Variants in MAST2 observed in about 807,000 individuals in gnomAD.
MAST2 encodes the protein microtubule associated serine/threonine kinase 2.
MAST2 carries 70 observed loss-of-function variants against 147.4 expected under a neutral mutation model. That is an observed-to-expected ratio of 0.47 (90% confidence interval 0.39 to 0.58). The LOEUF (loss-of-function observed/expected upper bound fraction) is 0.58, where lower values mean the gene tolerates loss of function less well. Among genes scored for constraint, MAST2 ranks in the 20% least tolerant of loss-of-function variants. The pLI, the probability that MAST2 is intolerant of heterozygous loss-of-function variation, is 0.00. For synonymous variants in MAST2, 869 were observed against 896.8 expected (o/e 0.97, Z 0.55); for missense variants, 2,080 against 2,302.3 (o/e 0.90, Z 1.98).
At chr1:46,008,412 G>C (rs1193727108) in intron 9 of MAST2, 41 bp downstream of exon 9, 2 of 1,415,406 alleles carry the variant, frequency 1.4e-6, no homozygotes, top group East Asian at 2.3e-5. Context: ...TACCCCTCCG[G>C]GTGGCTGCCT....
chr1:45,928,567 C>G (rs373576712), intron 4 of MAST2, among the ~76,000 whole-genome samples: 3 of 143,726 alleles, frequency 2.1e-5, no homozygotes, highest in Admixed American at 7.0e-5. Context: ...ATCACTCTTT[C>G]TTTTTTTTTT....
intron 18 of MAST2, 134 bp downstream of exon 18, chr1:46,029,067 G>A: frequency 9.8e-7 from 1 of 1,018,598 alleles, no homozygotes; most frequent in Non-Finnish European, 1.4e-6. Context: ...TGCTGCTTTG[G>A]GGATGGGTGT....
chr1:45,884,473 A>G (rs1399498722), intron 4 of MAST2, among the ~76,000 whole-genome samples: 1 of 152,174 alleles, frequency 6.6e-6, no homozygotes, highest in East Asian at 1.9e-4. Context: ...AATTGCTTGA[A>G]TCCAGGAGAC....
At chr1:45,911,504 A>G (rs1398041546) in intron 4 of MAST2, among the ~76,000 whole-genome samples, 1 of 152,136 alleles carries the variant, frequency 6.6e-6, no homozygotes, top group Non-Finnish European at 1.5e-5. Context: ...ATTTCTACTG[A>G]AAGGTAAAGC....
chr1:45,902,697 T>G (rs920673560), intron 4 of MAST2, among the ~76,000 whole-genome samples: 7 of 152,122 alleles, frequency 4.6e-5, no homozygotes, highest in African/African-American at 1.7e-4. Flanking sequence ...CATTTCTTCC[T>G]GGTTCATTCT....
chr1:46,035,817 A>G lies in MAST2; in HGVS notation c.5148A>G (p.Pro1716=). 3 of 1,614,050 alleles carry G rather than the reference A, an allele frequency of 1.9e-6. No homozygotes were observed. The highest frequency in any genetic ancestry group is 2.5e-6 in the Non-Finnish European group (3 of 1,179,982). ...CTAGTGCCCCCAGACTGGCCCATCC[A>G]TCTTATGAGGATCCCAGCCAGGGCT... is the stretch of plus-strand genomic sequence containing the variant. ...QPPSAPRLAH[P]SYEDPSQGWL... The change falls in exon 29 of 29, where the codon CCA becomes CCG. Residue 1716 remains proline (P), a synonymous_variant. Transcript: ENST00000361297. This position sits in a 1 kb window ranked among gnomAD's most constrained non-coding sequence, Gnocchi z 5.5.
intron 3 of MAST2, among the ~76,000 whole-genome samples, chr1:45,831,263 A>G (rs903988047): frequency 2.0e-5 from 3 of 152,214 alleles, no homozygotes; most frequent in Non-Finnish European, 4.4e-5. Context: ...TTTGTAGGGT[A>G]CAATAACAGA....
rs375529663 is a variant in MAST2 at position 46,033,949 on chromosome 1, C to T, written c.3674+11C>T. The T allele has an allele frequency of 2.9e-5, 47 of 1,613,644 alleles. No individual in the cohort carries two copies. Among genetic ancestry groups the T allele is most frequent in the Non-Finnish European group, 3.6e-5 (43 of 1,179,744 alleles). ...GGATGGGCAAGAAAGGTGAGCCAGG[C>T]GCAGTGAAGAGGGTTTTCTCTGAGC... On this transcript the variant is annotated intron_variant, in intron 27 of 28. Coordinates refer to ENST00000361297, the MANE Select transcript of MAST2 (RefSeq NM_015112.3).
chr1:45,948,310 C>T (rs1040178150), intron 4 of MAST2, among the ~76,000 whole-genome samples: 2 of 152,144 alleles, frequency 1.3e-5, no homozygotes, highest in Admixed American at 1.3e-4. Flanking sequence ...GAATCAATAT[C>T]ATTAAAATGA....
At position 45,899,307 on chromosome 1, in the gene MAST2, C is replaced by CTTTTTTTTT. The variant is rs770069959; in HGVS notation, c.500+16924_500+16932dup. Among the ~76,000 whole-genome samples the CTTTTTTTTT allele has an allele frequency of 7.0e-3, 755 of 107,240 alleles. 8 individuals are homozygous for CTTTTTTTTT. The highest frequency in any genetic ancestry group is 0.013 in the Middle Eastern group (2 of 154). The allele number at this position is 107,240 out of a possible 152,430, so 70.4% of individuals were successfully genotyped here. ...GCCAAAAATATTTTTCCTTTCTTTTCTTTTTTTTTTTTTTTTTTTTAGATT... is the reference window on the plus strand; with the variant it reads ...GCCAAAAATATTTTTCCTTTCTTTTCTTTTTTTTTTTTTTTTTTTTTTTTTTTTTAGATT... On this transcript the variant is annotated intron_variant, in intron 4 of 28. Coordinates refer to ENST00000361297, the MANE Select transcript of MAST2 (RefSeq NM_015112.3).
intron 1 of MAST2, among the ~76,000 whole-genome samples, chr1:45,810,112 G>C (rs541756659): frequency 6.6e-6 from 1 of 152,246 alleles, no homozygotes; most frequent in East Asian, 1.9e-4. Context: ...CTCACAATAG[G>C]TGCTCAGTCA....
chr1:45,984,253 T>C (rs1250011536), intron 5 of MAST2, among the ~76,000 whole-genome samples: 1 of 152,082 alleles, frequency 6.6e-6, no homozygotes, highest in Non-Finnish European at 1.5e-5. Flanking sequence ...ATGCACTTCT[T>C]CCATTGGGAG....
Position 46,031,230 on chromosome 1 carries a change from G to A in MAST2, c.2932G>A (p.Gly978Arg). Residue 978 changes from glycine (G) to arginine (R), a missense_variant, in exon 23 of 29, where the codon GGG (glycine) becomes AGG (arginine). Gly to Arg is a moderately radical substitution (Grantham distance 125). Around this residue, in one of 4 missense-constraint regions of MAST2, gnomAD observed 1,278 missense variants for 1,304.2 expected, o/e 0.98. Transcript: ENST00000361297. The surrounding 1 kb of genome is among the most constrained non-coding windows in gnomAD (Gnocchi z 4.1). ...ATCTGGGCCTGTCACTGAACACTCA[G>A]GGGAGCAGCGGCCAAAGCTGGATGA... ...GVSGPVTEHSGEQRPKLDEEA... is the reference protein window; with the variant it reads ...GVSGPVTEHSREQRPKLDEEA... 1 of 1,544,602 alleles carries A rather than the reference G, an allele frequency of 6.5e-7. No homozygotes were observed. Among genetic ancestry groups the A allele is most frequent in the Non-Finnish European group, 8.8e-7 (1 of 1,142,558 alleles).
intron 5 of MAST2, among the ~76,000 whole-genome samples, chr1:45,995,228 T>C (rs912849547): frequency 1.3e-5 from 2 of 152,206 alleles, no homozygotes; most frequent in Non-Finnish European, 2.9e-5. Context: ...TCTTTGTTCC[T>C]CTGTATAACA....
intron 1 of MAST2, among the ~76,000 whole-genome samples, chr1:45,808,590 A>G (rs1644207148): frequency 6.6e-6 from 1 of 152,128 alleles, no homozygotes; most frequent in Admixed American, 6.6e-5. Context: ...GCCTTCATGA[A>G]ATCTTTCAAA....
chr1:46,033,753 G>A (rs745833458), intron 26 of MAST2, 49 bp from the exon 27 acceptor site: 24 of 1,597,052 alleles, frequency 1.5e-5, no homozygotes, highest in Non-Finnish European at 2.0e-5. Context: ...GAGGGGAGGG[G>A]CAAGAATATG....
intron 4 of MAST2, among the ~76,000 whole-genome samples, chr1:45,915,018 A>G (rs1652249626): frequency 1.3e-5 from 2 of 152,158 alleles, no homozygotes; most frequent in African/African-American, 4.8e-5. Context: ...ACAGCTCACT[A>G]AACCTTGACC....
chr1:45,919,204 TTCAGATAAGAAGTGG>T (rs1412693341), intron 4 of MAST2, among the ~76,000 whole-genome samples: 5 of 152,118 alleles, frequency 3.3e-5, no homozygotes, highest in Admixed American at 2.6e-4. Flanking sequence ...CCCATGATGA[TTCAGATAAGAAGTGG>T]TCAGATTTGG....
chr1:45,969,042 A>G (rs1643777025), intron 5 of MAST2, among the ~76,000 whole-genome samples: 1 of 151,924 alleles, frequency 6.6e-6, no homozygotes, highest in Non-Finnish European at 1.5e-5. Context: ...TTTTCTTTTG[A>G]TTCTTCCTTA....
Sources: allele counts gnomAD v4.1 joint callset (sites outside exome capture counted in the v4.1 genomes callset), GRCh38; gene constraint gnomAD v4.1.1; regional missense constraint gnomAD v4.1.1; non-coding constraint Gnocchi (gnomAD v3.1); transcripts MANE v1.5; gene names NCBI Gene and HGNC (gene_info 2026-07-23, HGNC 2026-07-21).